The following USP4 variants were observed in gnomAD, a reference collection of about 807,000 sequenced individuals.
USP4 encodes the protein ubiquitin specific peptidase 4, also known as ubiquitin carboxyl-terminal hydrolase 4.
In USP4, 72 loss-of-function variants were observed where a neutral mutation model predicts 118.2. The observed-to-expected ratio is 0.61, with a 90% CI of 0.50 to 0.74. The LOEUF (loss-of-function observed/expected upper bound fraction) is 0.74, where lower values mean the gene tolerates loss of function less well. USP4 is among the 30% of genes least tolerant of loss of function. The pLI, the probability that USP4 is intolerant of heterozygous loss-of-function variation, is 0.00. For synonymous variants in USP4, 415 were observed against 440.4 expected, an observed-to-expected ratio of 0.94 and a Z score of 0.72; for missense variants, 1,037 against 1,185.7, an observed-to-expected ratio of 0.87 and a Z score of 1.84.
Position 49,284,065 on chromosome 3 carries a change from A to G in USP4, c.2462T>C (p.Leu821Pro), listed in dbSNP as rs1387794111. The G allele has an allele frequency of 6.2e-7, 1 of 1,614,278 alleles. No homozygotes were observed. Among genetic ancestry groups the G allele is most frequent in the Admixed American group, 1.7e-5 (1 of 60,030 alleles). Residue 821 changes from leucine to proline, a missense_variant, in exon 19 of 22, where the codon CTG (leucine) becomes CCG (proline). By Grantham distance (98) the Leu-to-Pro change is moderately conservative (BLOSUM62 -3). Coordinates refer to ENST00000265560, the MANE Select transcript of USP4 (RefSeq NM_003363.4). Reference protein sequence around the residue: ...KFDLWSLPKILVVHLKRFSYN... With the variant: ...KFDLWSLPKIPVVHLKRFSYN... ...GGAGAAACGTTTGAGGTGGACCACC[A>G]GGATCTTGGGCAAGGACCATAGGTC...
chr3:49,277,308 C>T lies in USP4; in HGVS notation c.*985G>A. The T allele has an allele frequency of 8.5e-7, 1 of 1,173,642 alleles. No individual in the cohort carries two copies. The highest frequency in any genetic ancestry group is 1.3e-5 in the South Asian group (1 of 76,952). The allele number at this position is 1,173,642 out of a possible 1,614,324, so 72.7% of individuals were successfully genotyped here. A position where few individuals can be genotyped will look rare whatever the true frequency, so the allele number is the denominator to read the frequency against. ...AAATCCCGGACCCATACGTCCGGTT[C>T]CTTAAGGCCTTGCCCACACGCAGCG... On this transcript the variant is annotated 3_prime_UTR_variant, in exon 22 of 22. Coordinates refer to ENST00000265560, the MANE Select transcript of USP4 (RefSeq NM_003363.4).
Position 49,302,529 on chromosome 3 carries a change from C to G in USP4, c.1142G>C (p.Arg381Pro), listed in dbSNP as rs2047272189. ...APRMFKTQVG[R>P]FAPQFSGYQQ... ...GTAGCCAGAAAATTGAGGAGCAAAACGTCCTACTTGAGTCTACAACAAAAG... is the reference window on the plus strand; with the variant it reads ...GTAGCCAGAAAATTGAGGAGCAAAAGGTCCTACTTGAGTCTACAACAAAAG... Residue 381 changes from arginine (R) to proline (P), a missense_variant, in exon 10 of 22, where the codon CGT (arginine) becomes CCT (proline). Transcript: ENST00000265560. 6.2e-7 allele frequency: 1 copy of G among 1,613,802 alleles called. No homozygotes were observed. Among genetic ancestry groups the G allele is most frequent in the South Asian group, 1.1e-5 (1 of 91,046 alleles).
intron 6 of USP4, among the ~76,000 whole-genome samples, chr3:49,315,010 G>A (rs1421129633): frequency 6.6e-6 from 1 of 151,804 alleles, no homozygotes; most frequent in East Asian, 1.9e-4. Flanking sequence ...AGAAAATACT[G>A]CCAGTTTTCA....
At chr3:49,307,937 A>G (rs1039527853) in intron 8 of USP4, among the ~76,000 whole-genome samples, 1 of 152,124 alleles carries the variant, frequency 6.6e-6, no homozygotes, top group Non-Finnish European at 1.5e-5. Flanking sequence ...CAGGAGTTCA[A>G]GGTTACAGTG....
Position 49,324,747 on chromosome 3 carries a change from G to C in USP4, c.650C>G (p.Pro217Arg). 6.2e-7 allele frequency: 1 copy of C among 1,614,152 alleles called. No individual in the cohort carries two copies. The highest frequency in any genetic ancestry group is 8.5e-7 in the Non-Finnish European group (1 of 1,180,018). Reference sequence around the variant, plus strand: ...GGGCCATGTGCCATCTTCATTTTGAGGCTCAATTACTAGCACCTGAGTGAA... The same window carrying C: ...GGGCCATGTGCCATCTTCATTTTGACGCTCAATTACTAGCACCTGAGTGAA... Reference protein sequence around the residue: ...LYQGQVLVIEPQNEDGTWPRQ... With the variant: ...LYQGQVLVIERQNEDGTWPRQ... Residue 217 changes from proline (P) to arginine (R), a missense_variant, in exon 6 of 22, where the codon CCT becomes CGT. By Grantham distance (103) the Pro-to-Arg change is moderately radical. Around this residue, in one of 3 missense-constraint regions of USP4, gnomAD observed 487 missense variants for 534.1 expected, o/e 0.91. Transcript: ENST00000265560.
At chr3:49,339,723 G>A (rs529566142) in intron 1 of USP4, among the ~76,000 whole-genome samples, 3 of 152,160 alleles carry the variant, frequency 2.0e-5, no homozygotes, top group South Asian at 2.1e-4. Flanking sequence ...GGCTCCAAAT[G>A]AACTGAGACG....
At chr3:49,282,978 G>A (rs184736506) in intron 19 of USP4, among the ~76,000 whole-genome samples, 2 of 145,278 alleles carry the variant, frequency 1.4e-5, no homozygotes, top group Admixed American at 1.4e-4. Flanking sequence ...ACAGTGCTGG[G>A]ATTACAGGTG....
At chr3:49,312,553 G>A in intron 6 of USP4, 4 of 451,116 alleles carry the variant, frequency 8.9e-6, no homozygotes, top group South Asian at 6.2e-5. Context: ...CCGGGAGGCA[G>A]AAGTTGCAGT....
chr3:49,339,726 C>T (rs11717536), intron 1 of USP4, among the ~76,000 whole-genome samples, 198 bp downstream of exon 1: 1 of 152,180 alleles, frequency 6.6e-6, no homozygotes, highest in African/African-American at 2.4e-5. Context: ...TCCAAATGAA[C>T]TGAGACGACA....
Position 49,313,085 on chromosome 3 carries a change from G to T in USP4, c.696-1431C>A, listed in dbSNP as rs563818381. On this transcript the variant is annotated intron_variant, in intron 6 of 21. Coordinates refer to ENST00000265560, the MANE Select transcript of USP4 (RefSeq NM_003363.4). ...TTTTTGTATTTTTAGTAGAGACAGG[G>T]TTTCACCATGTTGGCCAGAATGGTC... Among the ~76,000 whole-genome samples the T allele has an allele frequency of 1.6e-4, 24 of 151,724 alleles. No homozygotes were observed. The South Asian group carries it at 4.8e-3, about 30-fold the overall frequency.
intron 20 of USP4, among the ~76,000 whole-genome samples, chr3:49,279,832 G>C (rs960515785): frequency 6.6e-6 from 1 of 152,156 alleles, no homozygotes; most frequent in Admixed American, 6.6e-5. Context: ...TAGCAGCAAC[G>C]GTGGCTTTCA....
intron 7 of USP4, 139 bp from the exon 8 acceptor site, chr3:49,310,876 C>T (rs2047375536): frequency 3.0e-6 from 2 of 659,004 alleles, no homozygotes; most frequent in Non-Finnish European, 5.4e-6. Context: ...ACTCCCTCCC[C>T]TGCCCTCCAG....
intron 3 of USP4, 83 bp from the exon 4 acceptor site, chr3:49,325,928 A>G (rs1225487144): frequency 6.5e-7 from 1 of 1,538,856 alleles, no homozygotes; most frequent in Non-Finnish European, 8.8e-7. Context: ...CAGAAGCAAA[A>G]AGCAGAAAAC....
At chr3:49,339,883 C>G (rs2047719558) in intron 1 of USP4, 41 bp downstream of exon 1, 1 of 1,564,920 alleles carries the variant, frequency 6.4e-7, no homozygotes, top group African/African-American at 1.4e-5. Context: ...TTTTTCTCGG[C>G]CCCTGGTTCT....
intron 1 of USP4, among the ~76,000 whole-genome samples, chr3:49,338,273 C>T (rs2047692839): frequency 1.3e-5 from 2 of 152,040 alleles, no homozygotes; most frequent in Admixed American, 1.3e-4. Flanking sequence ...CAATACCTTC[C>T]ATACAATTTT....
At position 49,277,363 on chromosome 3, in the gene USP4, G is replaced by A. The variant is rs1451865253; in HGVS notation, c.*930C>T. 1.6e-5 allele frequency: 11 copies of A among 675,358 alleles called. No individual in the cohort carries two copies. The highest frequency in any genetic ancestry group is 1.3e-4 in the African/African-American group (7 of 52,170). 41.8% of individuals were successfully genotyped at this position (675,358 alleles called of 1,614,324 possible). On this transcript the variant is annotated 3_prime_UTR_variant, in exon 22 of 22. Coordinates refer to ENST00000265560, the MANE Select transcript of USP4 (RefSeq NM_003363.4). ...GCCCCGCGGTGGGAGTGGGGACGGG[G>A]CTTTCGAATGGGGGCCCCGGGAAGA...
At chr3:49,336,346 G>A (rs965526430) in intron 1 of USP4, among the ~76,000 whole-genome samples, 86 of 149,736 alleles carry the variant, frequency 5.7e-4, no homozygotes, top group African/African-American at 2.1e-3. Flanking sequence ...TAATTTTTTT[G>A]TATTTTTAGT....
intron 1 of USP4, among the ~76,000 whole-genome samples, chr3:49,339,672 C>T (rs2047715314): frequency 6.6e-6 from 1 of 152,162 alleles, no homozygotes; most frequent in Non-Finnish European, 1.5e-5. Flanking sequence ...TTCCCCTTCT[C>T]CACATCCCTC....
rs752067446 is a variant in USP4 at position 49,284,477 on chromosome 3, C to T, written c.2379G>A (p.Glu793=). 6.2e-7 allele frequency: 1 copy of T among 1,613,702 alleles called. No individual in the cohort carries two copies. Among genetic ancestry groups the T allele is most frequent in the Non-Finnish European group, 8.5e-7 (1 of 1,179,870 alleles). ...GAGGAGCTGCGTACCAGGGGTCATG[C>T]TCCCCAAGGGTCTCCATGGTGGTGA... is the stretch of plus-strand genomic sequence containing the variant. ...ELFTTMETLG[E]HDPWYCPNCK... Residue 793 remains glutamate (E), a synonymous_variant, in exon 18 of 22, where the codon GAG becomes GAA. Coordinates refer to ENST00000265560, the MANE Select transcript of USP4 (RefSeq NM_003363.4).
Sources: allele counts gnomAD v4.1 joint callset (sites outside exome capture counted in the v4.1 genomes callset), GRCh38; gene constraint gnomAD v4.1.1; regional missense constraint gnomAD v4.1.1; transcripts MANE v1.5; gene names NCBI Gene and HGNC (gene_info 2026-07-23, HGNC 2026-07-21).